The following CACNA1H variants were observed in gnomAD, a reference collection of about 807,000 sequenced individuals.
The protein encoded by CACNA1H is voltage-dependent T-type calcium channel subunit alpha-1H.
In CACNA1H, 149 loss-of-function variants were observed where a neutral mutation model predicts 192.5. The ratio of observed to expected loss-of-function variants is 0.77; its 90% CI spans 0.68 to 0.89. The LOEUF (loss-of-function observed/expected upper bound fraction) is 0.89. Ranked by LOEUF, CACNA1H falls within the 40% of genes least tolerant of loss-of-function variation. The pLI, the probability that CACNA1H is intolerant of heterozygous loss-of-function variation, is 0.00. For synonymous variants in CACNA1H, 2,202 were observed against 1,475.2 expected, an observed-to-expected ratio of 1.49 and a Z score of -11.29; for missense variants, 4,257 against 3,423.5, an observed-to-expected ratio of 1.24 and a Z score of -6.08.
rs958071949 is a variant in CACNA1H at position 1,167,406 on chromosome 16, G to A, written c.299+13370G>A. On this transcript the variant is annotated intron_variant, in intron 2 of 34. Transcript: ENST00000348261. This position sits in a 1 kb window ranked among gnomAD's most constrained non-coding sequence, Gnocchi z 4.2. ...GAGAATCTGGCGTGTGTGTTTGCAC[G>A]GCATCCATCCCTCCATCCGTCCTCT... is the stretch of plus-strand genomic sequence containing the variant. Among the ~76,000 whole-genome samples the A allele has an allele frequency of 3.3e-5, 5 of 152,154 alleles. No individual in the cohort carries two copies. The highest frequency in any genetic ancestry group is 6.5e-5 in the Admixed American group (1 of 15,288).
chr16:1,213,006 G>T (rs1052397784), intron 26 of CACNA1H, among the ~76,000 whole-genome samples: 2 of 152,242 alleles, frequency 1.3e-5, no homozygotes, highest in Non-Finnish European at 2.9e-5. Flanking sequence ...AGGTCCTGGG[G>T]TGTGGTGGCA....
At chr16:1,215,456 C>T (rs1300908792) in intron 29 of CACNA1H, 67 bp from the exon 30 acceptor site, 42 of 1,578,892 alleles carry the variant, frequency 2.7e-5, no homozygotes, top group Admixed American at 2.3e-4. Flanking sequence ...AGGGGCGGGG[C>T]GGCCAGGGTC....
At chr16:1,187,343 C>T (rs1252835457) in intron 2 of CACNA1H, among the ~76,000 whole-genome samples, 1 of 152,190 alleles carries the variant, frequency 6.6e-6, no homozygotes, top group Non-Finnish European at 1.5e-5. Flanking sequence ...GAGCACGTGG[C>T]TAAGAGTCCT....
intron 27 of CACNA1H, among the ~76,000 whole-genome samples, 159 bp downstream of exon 27, chr16:1,214,090 A>G (rs887511464): frequency 1.3e-5 from 2 of 151,754 alleles, no homozygotes; most frequent in African/African-American, 4.9e-5. Context: ...TTTAATGTTG[A>G]TTGAAACTCC....
intron 2 of CACNA1H, among the ~76,000 whole-genome samples, chr16:1,183,735 C>G (rs1965705926): frequency 6.6e-6 from 1 of 152,242 alleles, no homozygotes; most frequent in South Asian, 2.1e-4. Flanking sequence ...TGGGGGGCGG[C>G]CCTGGGGGGA....
In CACNA1H at chr16:1,211,766, C is replaced by A; in HGVS notation, c.4527C>A (p.Ile1509=). The change falls in exon 24 of 35, where the codon ATC becomes ATA. Residue 1509 remains isoleucine (I), a synonymous_variant. Coordinates refer to ENST00000348261, the MANE Select transcript of CACNA1H (RefSeq NM_021098.3). ...VLSSKDGWVN[I]MYDGLDAVGV... Reference sequence around the variant, plus strand: ...CATCCAAGGATGGATGGGTGAACATCATGTACGACGGGCTGGATGCCGTGG... The same window carrying A: ...CATCCAAGGATGGATGGGTGAACATAATGTACGACGGGCTGGATGCCGTGG... 1 of 1,612,742 alleles carries A rather than the reference C, an allele frequency of 6.2e-7. No individual in the cohort carries two copies. The highest frequency in any genetic ancestry group is 8.5e-7 in the Non-Finnish European group (1 of 1,179,734).
At position 1,221,189 on chromosome 16, in the gene CACNA1H, G is replaced by A. The variant is rs2248457; in HGVS notation, c.*195G>A. On this transcript the variant is annotated 3_prime_UTR_variant, in exon 35 of 35. Coordinates refer to ENST00000348261, the MANE Select transcript of CACNA1H (RefSeq NM_021098.3). ...TAGCTGCCGGGCCCCACGAGCCTCCGTCCGTTCTGGTTCGGGTTTCTCCGA... is the reference window on the plus strand; with the variant it reads ...TAGCTGCCGGGCCCCACGAGCCTCCATCCGTTCTGGTTCGGGTTTCTCCGA... 337,871 of 533,992 alleles carry A rather than the reference G, an allele frequency of 0.63. 108,958 individuals carry two copies. Among genetic ancestry groups the A allele is most frequent in the East Asian group, 0.86 (29,343 of 33,960 alleles). 33.1% of individuals were successfully genotyped at this position (533,992 alleles called of 1,614,324 possible).
intron 6 of CACNA1H, among the ~76,000 whole-genome samples, chr16:1,199,331 C>T (rs1967455502): frequency 1.2e-5 from 1 of 80,640 alleles, no homozygotes; most frequent in Non-Finnish European, 2.3e-5. Flanking sequence ...CCCATCATGG[C>T]TCCGCCCACC....
At chr16:1,219,261 C>G (rs866763240) in intron 34 of CACNA1H, 131 bp downstream of exon 34, 2 of 883,406 alleles carry the variant, frequency 2.3e-6, no homozygotes, top group South Asian at 2.0e-5. Flanking sequence ...CTTGGGGCTC[C>G]GAAGGTTTCT....
intron 6 of CACNA1H, among the ~76,000 whole-genome samples, chr16:1,199,995 G>C (rs1006373094): frequency 5.9e-5 from 9 of 152,088 alleles, no homozygotes; most frequent in Admixed American, 5.9e-4. Context: ...CTGTGGACTT[G>C]GGCTGAGGAG....
chr16:1,208,141 G>A lies in CACNA1H; in HGVS notation c.3283G>A (p.Asp1095Asn), dbSNP rs748648178. 338 of 1,586,140 alleles carry A rather than the reference G, an allele frequency of 2.1e-4. 5 individuals are homozygous for A. The highest frequency in any genetic ancestry group is 1.9e-3 in the South Asian group (166 of 86,704). The change falls in exon 16 of 35, where the codon GAT (aspartate) becomes AAT (asparagine). Residue 1095 changes from aspartate (D) to asparagine (N), a missense_variant. Asp to Asn is a conservative substitution (Grantham distance 23, BLOSUM62 1). Coordinates refer to ENST00000348261, the MANE Select transcript of CACNA1H (RefSeq NM_021098.3). Reference sequence around the variant, plus strand: ...TACCCCCAAGAGCTCACCATTCCTGGATGCAGCCCCCAGCCTCCCAGACTC... The same window carrying A: ...TACCCCCAAGAGCTCACCATTCCTGAATGCAGCCCCCAGCCTCCCAGACTC... ...MPTPKSSPFL[D>N]AAPSLPDSRR...
intron 30 of CACNA1H, among the ~76,000 whole-genome samples, chr16:1,216,365 G>A (rs534417796): frequency 9.6e-4 from 147 of 152,370 alleles, no homozygotes; most frequent in African/African-American, 8.2e-4. Flanking sequence ...GGGGCGTGGC[G>A]TAGGACAGGC....
At position 1,214,413 on chromosome 16, in the gene CACNA1H, C is replaced by G. The variant is rs564048207; in HGVS notation, c.4929+482C>G. The stretch of plus-strand genomic sequence containing the variant: ...CTATGGAAAGCGTTTTGTGTGGAGC[C>G]GAGGATGGCCGTGGCCAGAGGCCAG... On this transcript the variant is annotated intron_variant, in intron 27 of 34. Coordinates refer to ENST00000348261, the MANE Select transcript of CACNA1H (RefSeq NM_021098.3). 2.0e-5 allele frequency among the ~76,000 whole-genome samples: 3 copies of G among 152,214 alleles called. No homozygotes were observed. The East Asian group carries it at 5.8e-4, about 29-fold the overall frequency.
At chr16:1,189,488 CTCACT>C (rs1470605669) in intron 2 of CACNA1H, among the ~76,000 whole-genome samples, 1 of 137,218 alleles carries the variant, frequency 7.3e-6, no homozygotes, top group Non-Finnish European at 1.5e-5. Context: ...ACGATCGTGG[CTCACT>C]GTAGCTTCCA....
chr16:1,172,455 C>T (rs1340381808), intron 2 of CACNA1H, among the ~76,000 whole-genome samples: 3 of 152,094 alleles, frequency 2.0e-5, no homozygotes, highest in Non-Finnish European at 4.4e-5. Flanking sequence ...CTGGGCCTGG[C>T]CCGCCTCCGT....
At chr16:1,203,908 G>C (rs989297398) in intron 9 of CACNA1H, 102 bp from the exon 10 acceptor site, 2 of 810,626 alleles carry the variant, frequency 2.5e-6, no homozygotes, top group South Asian at 1.8e-5. Flanking sequence ...GATCTTTCTG[G>C]GGGGGACACA....
In CACNA1H at chr16:1,217,914, C is replaced by G; in HGVS notation, c.5324-5C>G. 6.3e-7 allele frequency: 1 copy of G among 1,598,378 alleles called. No individual in the cohort carries two copies. Among genetic ancestry groups the G allele is most frequent in the Non-Finnish European group, 8.5e-7 (1 of 1,173,292 alleles). On this transcript the variant is annotated splice_region_variant and splice_polypyrimidine_tract_variant and intron_variant, in intron 31 of 34. Transcript: ENST00000348261. The stretch of plus-strand genomic sequence containing the variant: ...GCTGACCGGGCGGGGTCTCCCTCCC[C>G]GCAGAGTGCAGTGAAGACAACCCCT...
rs1189358692 is a variant in CACNA1H at position 1,221,458 on chromosome 16, C to T, written c.*464C>T. On this transcript the variant is annotated 3_prime_UTR_variant, in exon 35 of 35. Coordinates refer to ENST00000348261, the MANE Select transcript of CACNA1H (RefSeq NM_021098.3). ...AGTCTGAGTTCTTGTCCGCCTGTCACGCCCTCACCACCCTCCCCTTCCAGC... is the reference window on the plus strand; with the variant it reads ...AGTCTGAGTTCTTGTCCGCCTGTCATGCCCTCACCACCCTCCCCTTCCAGC... The T allele has an allele frequency of 1.1e-5, 4 of 350,800 alleles. No homozygotes were observed. Among genetic ancestry groups the T allele is most frequent in the Admixed American group, 9.2e-5 (2 of 21,694 alleles). The allele number at this position is 350,800 out of a possible 1,614,324, so 21.7% of individuals were successfully genotyped here. A position where few individuals can be genotyped will look rare whatever the true frequency, so the allele number is the denominator to read the frequency against.
chr16:1,168,342 G>C (rs962672674), intron 2 of CACNA1H, among the ~76,000 whole-genome samples: 1 of 151,762 alleles, frequency 6.6e-6, no homozygotes, highest in African/African-American at 2.4e-5. Flanking sequence ...GTCTGAAGCT[G>C]GTAGAGTCCA....
Sources: gnomAD v4.1 joint callset for allele counts (sites outside exome capture counted in the v4.1 genomes callset) on GRCh38, gnomAD v4.1.1 for gene constraint, Gnocchi (gnomAD v3.1) non-coding constraint, MANE v1.5 for transcripts, NCBI Gene and HGNC (gene_info 2026-07-23, HGNC 2026-07-21) for gene names.